TTC3: variants seen among roughly 807,000 people sequenced by gnomAD.
TTC3 encodes tetratricopeptide repeat domain 3, also known as E3 ubiquitin-protein ligase TTC3.
A neutral mutation model predicts 249.6 loss-of-function variants in TTC3; 180 were observed. That is an observed-to-expected ratio of 0.72 (90% CI 0.64 to 0.82). TTC3 has a LOEUF of 0.82. Ranked by LOEUF, TTC3 falls within the 40% of genes least tolerant of loss-of-function variation. The probability of loss-of-function intolerance (pLI) is 0.00; values close to 1 mark genes in which losing one functional copy is unlikely to be tolerated. For synonymous variants in TTC3, 717 were observed against 805.0 expected, an observed-to-expected ratio of 0.89 and a Z score of 1.85; for missense variants, 2,061 against 2,398.4, an observed-to-expected ratio of 0.86 and a Z score of 2.94.
intron 11 of TTC3, among the ~76,000 whole-genome samples, chr21:37,120,514 G>C (rs1326985102): frequency 6.6e-6 from 1 of 152,152 alleles, no homozygotes; most frequent in African/African-American, 2.4e-5. Flanking sequence ...TTTAAACTTT[G>C]AAGTCCGTAA....
chr21:37,125,713 G>T (rs569430588), intron 14 of TTC3, among the ~76,000 whole-genome samples: 17 of 10,298 alleles, frequency 1.7e-3, no homozygotes, highest in Admixed American at 6.1e-3. Flanking sequence ...ATACCACATT[G>T]CTGCTTCTGT....
chr21:37,147,731 A>ATTT (rs372841981), intron 22 of TTC3, 128 bp downstream of exon 22: 520 of 847,380 alleles, frequency 6.1e-4, no homozygotes, highest in Non-Finnish European at 6.8e-4. Context: ...CTTTCCCAGG[A>ATTT]TTTTTTTTTT....
chr21:37,124,112 C>CTTTTTTT (rs60916518), intron 13 of TTC3, among the ~76,000 whole-genome samples: 1,406 of 61,266 alleles, frequency 0.023, 386 homozygotes, highest in Admixed American at 0.061. Context: ...TTGAACTGTT[C>CTTTTTTT]TTTTTTTTTT....
At chr21:37,095,276 A>G (rs1379804713) in intron 8 of TTC3, 74 bp from the exon 9 acceptor site, 1 of 927,964 alleles carries the variant, frequency 1.1e-6, no homozygotes, top group Non-Finnish European at 1.7e-6. Flanking sequence ...ATCCAGATCC[A>G]TTTTTACTAG....
At chr21:37,158,186 A>G (rs962615813) in intron 28 of TTC3, 17 of 985,340 alleles carry the variant, frequency 1.7e-5, no homozygotes, top group Non-Finnish European at 1.7e-5. Flanking sequence ...ATTTATTGCC[A>G]TCAGTTTGCT....
intron 8 of TTC3, among the ~76,000 whole-genome samples, chr21:37,094,964 T>C (rs569379730): frequency 2.6e-5 from 4 of 152,130 alleles, no homozygotes; most frequent in African/African-American, 9.6e-5. Flanking sequence ...CAAGACCTGG[T>C]CTCTACAAAA....
chr21:37,169,131 G>A (rs969620689), intron 34 of TTC3, among the ~76,000 whole-genome samples: 3 of 152,066 alleles, frequency 2.0e-5, no homozygotes, highest in Non-Finnish European at 4.4e-5. Context: ...CCTGATACAT[G>A]GTAGGAGAGG....
At chr21:37,140,485 A>T (rs1179796934) in intron 19 of TTC3, 76 bp from the exon 20 acceptor site, 4 of 1,038,260 alleles carry the variant, frequency 3.9e-6, no homozygotes, top group Non-Finnish European at 5.4e-6. Context: ...TTATAAAAAA[A>T]ATCAACCTTT....
chr21:37,124,124 T>TTTTTG, intron 13 of TTC3, among the ~76,000 whole-genome samples: 1 of 120,596 alleles, frequency 8.3e-6, no homozygotes, highest in Non-Finnish European at 1.7e-5. Context: ...TTTTTTTTTT[T>TTTTTG]TTTTTTTTTT....
Position 37,189,390 on chromosome 21 carries a change from C to T in TTC3, c.5024+795C>T, listed in dbSNP as rs560016647. ...CCTCCCGAGTAGCTGGGATTACAGG[C>T]GCGTGCCACATGCCCAGCTAATTTT... On this transcript the variant is annotated intron_variant, in intron 39 of 45. Transcript: ENST00000355666. Among the ~76,000 whole-genome samples the T allele has an allele frequency of 5.9e-5, 9 of 151,548 alleles. No individual in the cohort carries two copies. In the South Asian group the frequency reaches 1.5e-3, roughly 25 times the overall value.
At chr21:37,129,122 G>C in intron 16 of TTC3, 59 bp downstream of exon 16, 1 of 1,324,204 alleles carries the variant, frequency 7.6e-7, no homozygotes. Flanking sequence ...CCAAGAAAAA[G>C]GAAAAAAAAT....
intron 39 of TTC3, among the ~76,000 whole-genome samples, chr21:37,190,663 T>G (rs2083974438): frequency 6.6e-6 from 1 of 152,128 alleles, no homozygotes; most frequent in Admixed American, 6.5e-5. Flanking sequence ...AACGGTAGAG[T>G]ATACAAAGAT....
chr21:37,147,344 G>A, intron 21 of TTC3, 137 bp from the exon 22 acceptor site: 1 of 704,944 alleles, frequency 1.4e-6, no homozygotes, highest in African/African-American at 1.9e-5. Flanking sequence ...AAAGTTGTAT[G>A]TAGTTTGTTG....
intron 11 of TTC3, among the ~76,000 whole-genome samples, chr21:37,109,801 A>G (rs994137509): frequency 1.3e-5 from 2 of 152,314 alleles, no homozygotes; most frequent in South Asian, 4.1e-4. Context: ...CCTAACTGGG[A>G]GGCACCCCCC....
intron 20 of TTC3, among the ~76,000 whole-genome samples, chr21:37,144,321 T>C (rs1048268955): frequency 4.6e-5 from 7 of 151,108 alleles, no homozygotes; most frequent in African/African-American, 1.7e-4. Flanking sequence ...CCAAGACGAG[T>C]TGTGTTTAAT....
At chr21:37,180,108 CTCT>C (rs1302064254) in intron 35 of TTC3, among the ~76,000 whole-genome samples, 3 of 152,158 alleles carry the variant, frequency 2.0e-5, no homozygotes, top group South Asian at 2.1e-4. Context: ...CTGCAGCATC[CTCT>C]TCTTGAGGCC....
At chr21:37,128,893 A>G (rs1428055406) in intron 15 of TTC3, 110 bp from the exon 16 acceptor site, 2 of 766,342 alleles carry the variant, frequency 2.6e-6, no homozygotes, top group Non-Finnish European at 2.0e-6. Context: ...CACGTACCAC[A>G]TTTCTGCTTC....
chr21:37,081,089 G>A lies in TTC3; in HGVS notation c.-11-6158G>A, dbSNP rs561047789. The stretch of plus-strand genomic sequence containing the variant: ...TTCTGCTGTTGCTTATACAAAGTGT[G>A]CTGCCAGTTTTATTTATGCCTTTTT... On this transcript the variant is annotated intron_variant, in intron 1 of 45. Transcript: ENST00000355666. Among the ~76,000 whole-genome samples, 4 of 144,042 alleles carry A rather than the reference G, an allele frequency of 2.8e-5. No individual in the cohort carries two copies. In the East Asian group the frequency reaches 8.0e-4, roughly 29 times the overall value. The allele number at this position is 144,042 out of a possible 152,430, so 94.5% of individuals were successfully genotyped here.
intron 21 of TTC3, among the ~76,000 whole-genome samples, chr21:37,144,990 A>C (rs955552094): frequency 2.0e-5 from 3 of 152,230 alleles, no homozygotes; most frequent in African/African-American, 7.2e-5. Context: ...GAGTCCAGGC[A>C]TTCTGACTTC....
Sources: gnomAD v4.1 joint callset for allele counts (sites outside exome capture counted in the v4.1 genomes callset) on GRCh38, gnomAD v4.1.1 for gene constraint, MANE v1.5 for transcripts, NCBI Gene and HGNC (gene_info 2026-07-23, HGNC 2026-07-21) for gene names.